Variants in PPARGC1A observed in about 807,000 individuals in gnomAD.
PPARGC1A encodes the protein peroxisome proliferator-activated receptor gamma coactivator 1-alpha.
Under a neutral mutation model 88.7 loss-of-function variants are expected in PPARGC1A, and 25 were observed. That is an observed-to-expected ratio of 0.28 (90% confidence interval 0.21 to 0.39). PPARGC1A has a LOEUF of 0.39. Ranked by LOEUF, PPARGC1A falls within the 10% of genes least tolerant of loss-of-function variation. The pLI, the probability that PPARGC1A is intolerant of heterozygous loss-of-function variation, is 1.00. For missense variants in PPARGC1A, 880 were observed against 968.7 expected (o/e 0.91, Z 1.22); for synonymous variants, 363 against 355.6 (o/e 1.02, Z -0.24).
At chr4:23,952,718 C>T in the PPARGC1A span, among the ~76,000 whole-genome samples, 1 of 152,050 alleles carries the variant, frequency 6.6e-6, no homozygotes, top group Non-Finnish European at 1.5e-5. Context: ...CTTGGAAGGG[C>T]TTATACAATG....
At chr4:24,271,409 G>A in the PPARGC1A span, among the ~76,000 whole-genome samples, 22 of 151,500 alleles carry the variant, frequency 1.5e-4, no homozygotes, top group African/African-American at 4.4e-4. Flanking sequence ...ATGGAGTCTC[G>A]CTCTGTGGCC....
the PPARGC1A span, among the ~76,000 whole-genome samples, chr4:24,249,377 G>A: frequency 6.6e-6 from 1 of 151,942 alleles, no homozygotes; most frequent in African/African-American, 2.4e-5. Context: ...TCTGGTCACC[G>A]TGACGACTAT....
the PPARGC1A span, among the ~76,000 whole-genome samples, chr4:24,087,553 C>A: frequency 1.1e-3 from 165 of 152,268 alleles, no homozygotes; most frequent in African/African-American, 3.7e-3. Flanking sequence ...AAAACAATGA[C>A]GTGTCACGAA....
the PPARGC1A span, among the ~76,000 whole-genome samples, chr4:23,941,245 T>A: frequency 6.6e-6 from 1 of 152,086 alleles, no homozygotes; most frequent in South Asian, 2.1e-4. Flanking sequence ...TTTTCAGAGA[T>A]GAGGTGTTTA....
chr4:23,905,375 G>A (rs776823595), upstream of PPARGC1A, among the ~76,000 whole-genome samples: 2 of 152,156 alleles, frequency 1.3e-5, no homozygotes, highest in Non-Finnish European at 2.9e-5. Flanking sequence ...CTTCCCTGAG[G>A]TGTTCATTGA....
chr4:23,844,571 ATAT>A (rs1361191529), intron 2 of PPARGC1A, among the ~76,000 whole-genome samples: 1 of 113,752 alleles, frequency 8.8e-6, no homozygotes, highest in African/African-American at 3.6e-5. Flanking sequence ...ATTATATTGT[ATAT>A]TGTTAATATA....
At chr4:24,007,024 G>A in the PPARGC1A span, among the ~76,000 whole-genome samples, 2 of 152,098 alleles carry the variant, frequency 1.3e-5, no homozygotes, top group East Asian at 3.9e-4. Flanking sequence ...TCTAAAATTG[G>A]GAGGCATCTT....
the PPARGC1A span, among the ~76,000 whole-genome samples, chr4:24,321,246 C>T: frequency 6.6e-6 from 1 of 152,222 alleles, no homozygotes; most frequent in African/African-American, 2.4e-5. Flanking sequence ...GGTCACCCAA[C>T]ACCTGGCTTT....
chr4:23,980,734 C>CA, the PPARGC1A span, among the ~76,000 whole-genome samples: 1 of 152,084 alleles, frequency 6.6e-6, no homozygotes, highest in Non-Finnish European at 1.5e-5. Context: ...TGGAGGCTTC[C>CA]ACTAGATATT....
chr4:24,191,663 G>GA, the PPARGC1A span, among the ~76,000 whole-genome samples: 1,258 of 151,638 alleles, frequency 8.3e-3, 14 homozygotes, highest in African/African-American at 0.029. Flanking sequence ...TTTAAAAAAA[G>GA]AAAAAAAAGA....
the PPARGC1A span, among the ~76,000 whole-genome samples, chr4:23,974,083 T>C: frequency 1.3e-5 from 2 of 152,130 alleles, no homozygotes; most frequent in African/African-American, 2.4e-5. Flanking sequence ...GGAGTAGCAG[T>C]AGAGAACGGG....
chr4:24,087,486 A>G, the PPARGC1A span, among the ~76,000 whole-genome samples: 3 of 152,204 alleles, frequency 2.0e-5, no homozygotes, highest in East Asian at 5.8e-4. Context: ...ATTATAAATC[A>G]TTATCCAGAC....
chr4:24,284,770 T>C, the PPARGC1A span, among the ~76,000 whole-genome samples: 1 of 152,230 alleles, frequency 6.6e-6, no homozygotes, highest in African/African-American at 2.4e-5. Flanking sequence ...GGCTCACGCC[T>C]GTAATCCCAG....
At chr4:23,872,965 C>T (rs562330430) in intron 2 of PPARGC1A, among the ~76,000 whole-genome samples, 4 of 151,816 alleles carry the variant, frequency 2.6e-5, no homozygotes, top group Non-Finnish European at 4.4e-5. Context: ...CCGAGGTGGG[C>T]GGATCACGAG....
the PPARGC1A span, among the ~76,000 whole-genome samples, chr4:24,263,092 A>G: frequency 6.6e-6 from 1 of 152,218 alleles, no homozygotes. Flanking sequence ...AAGAGAAGTC[A>G]TGGTAGAAAA....
chr4:24,287,634 GCACACACA>G, the PPARGC1A span, among the ~76,000 whole-genome samples: 1,400 of 142,142 alleles, frequency 9.8e-3, 26 homozygotes, highest in African/African-American at 0.034. Context: ...AACACCACAT[GCACACACA>G]CACACACACA....
chr4:24,454,365 G>C, the PPARGC1A span, among the ~76,000 whole-genome samples: 1 of 151,912 alleles, frequency 6.6e-6, no homozygotes, highest in Non-Finnish European at 1.5e-5. Flanking sequence ...CACTGAAAAA[G>C]TTACTTGGTA....
intron 5 of PPARGC1A, among the ~76,000 whole-genome samples, chr4:23,826,565 G>A (rs764387170): frequency 4.9e-4 from 74 of 152,112 alleles, no homozygotes; most frequent in Non-Finnish European, 1.0e-3. Context: ...AATTTCAATC[G>A]ATCCTCCTAG....
the PPARGC1A span, among the ~76,000 whole-genome samples, chr4:24,341,335 T>G: frequency 6.6e-6 from 1 of 152,024 alleles, no homozygotes; most frequent in Non-Finnish European, 1.5e-5. Flanking sequence ...TCAGTGCTTG[T>G]AAAATGAAAA....
Sources: allele counts gnomAD v4.1 joint callset (sites outside exome capture counted in the v4.1 genomes callset), GRCh38; gene constraint gnomAD v4.1.1; transcripts MANE v1.5; gene names NCBI Gene and HGNC (gene_info 2026-07-23, HGNC 2026-07-21).